Variants in FAM135B observed in about 807,000 individuals in gnomAD.
FAM135B encodes the protein family with sequence similarity 135 member B, also known as protein FAM135B.
FAM135B carries 43 observed loss-of-function variants against 127.7 expected under a neutral mutation model. The ratio of observed to expected loss-of-function variants is 0.34; its 90% CI spans 0.26 to 0.43. The LOEUF (loss-of-function observed/expected upper bound fraction) is 0.43, where lower values mean the gene tolerates loss of function less well. Ranked by LOEUF, FAM135B falls within the 20% of genes least tolerant of loss-of-function variation. The pLI, the probability that FAM135B is intolerant of heterozygous loss-of-function variation, is 1.00. For synonymous variants in FAM135B, 670 were observed against 665.1 expected (o/e 1.01, Z -0.11); for missense variants, 1,558 against 1,725.6 (o/e 0.90, Z 1.72).
rs151257877 is a variant in FAM135B, at chr8:138,470,767, G to A, written c.-20+25904C>T. Among the ~76,000 whole-genome samples the A allele has an allele frequency of 6.2e-3, 947 of 152,312 alleles. 4 individuals are homozygous for A. The highest frequency in any genetic ancestry group is 0.01 in the Non-Finnish European group (712 of 68,024). The stretch of plus-strand genomic sequence containing the variant: ...GACATCACTCCAACTTGCTTTGTTA[G>A]GAGTCCCCCTTCCCTCAAGACACTG... On this transcript the variant is annotated intron_variant, in intron 1 of 19. Transcript: ENST00000395297.
intron 1 of FAM135B, among the ~76,000 whole-genome samples, chr8:138,391,197 G>T (rs1013573779): frequency 1.4e-4 from 20 of 148,118 alleles, no homozygotes; most frequent in African/African-American, 4.9e-4. Flanking sequence ...TCTGGTCCCA[G>T]ATCAGAGAGA....
At chr8:138,214,176 G>C (rs1818362722) in intron 7 of FAM135B, among the ~76,000 whole-genome samples, 1 of 152,116 alleles carries the variant, frequency 6.6e-6, no homozygotes, top group African/African-American at 2.4e-5. Context: ...CCCAGGAAAT[G>C]AGAGTCTATC....
intron 2 of FAM135B, among the ~76,000 whole-genome samples, chr8:138,351,435 T>C (rs1336056180): frequency 5.3e-5 from 8 of 152,016 alleles, no homozygotes; most frequent in Non-Finnish European, 1.2e-4. Context: ...ACTGTAGTAA[T>C]GCACTGAAAA....
chr8:138,214,216 C>T (rs925887310), intron 7 of FAM135B, among the ~76,000 whole-genome samples: 1 of 152,094 alleles, frequency 6.6e-6, no homozygotes, highest in Non-Finnish European at 1.5e-5. Flanking sequence ...GCCATATCCC[C>T]GACTCAAATA....
intron 2 of FAM135B, among the ~76,000 whole-genome samples, chr8:138,349,805 G>A (rs2131109740): frequency 6.6e-6 from 1 of 152,236 alleles, no homozygotes; most frequent in East Asian, 1.9e-4. Flanking sequence ...TGGAAAGCAT[G>A]TTCAAGAATC....
intron 1 of FAM135B, among the ~76,000 whole-genome samples, chr8:138,482,630 T>C (rs1339624428): frequency 1.3e-5 from 2 of 152,152 alleles, no homozygotes; most frequent in South Asian, 2.1e-4. Context: ...AGTCACTGTT[T>C]AAATGTTTTT....
chr8:138,190,861 T>A (rs1248466582), intron 9 of FAM135B, among the ~76,000 whole-genome samples: 1 of 152,216 alleles, frequency 6.6e-6, no homozygotes, highest in Non-Finnish European at 1.5e-5. Context: ...AATCTACCTA[T>A]GATCTGGAAG....
At chr8:138,258,803 C>CCACACACA (rs57817492) in intron 4 of FAM135B, among the ~76,000 whole-genome samples, 23,753 of 146,306 alleles carry the variant, frequency 0.16, 2,150 homozygotes, top group African/African-American at 0.23. Flanking sequence ...GACACACACA[C>CCACACACA]CACACACACA....
intron 7 of FAM135B, among the ~76,000 whole-genome samples, 159 bp from the exon 8 acceptor site, chr8:138,197,828 A>C (rs1816783719): frequency 6.6e-6 from 1 of 152,204 alleles, no homozygotes; most frequent in Non-Finnish European, 1.5e-5. Context: ...AACATGGTTG[A>C]AGATTCCAGG....
intron 2 of FAM135B, among the ~76,000 whole-genome samples, chr8:138,313,615 C>T (rs977108034): frequency 6.1e-5 from 9 of 148,468 alleles, no homozygotes; most frequent in African/African-American, 2.2e-4. Context: ...GTGATCCTCC[C>T]ACTTCGGCTC....
At chr8:138,421,164 T>A (rs1834484385) in intron 1 of FAM135B, among the ~76,000 whole-genome samples, 1 of 152,090 alleles carries the variant, frequency 6.6e-6, no homozygotes, top group African/African-American at 2.4e-5. Flanking sequence ...ACAAAAAAAA[T>A]TAGCCAGGCA....
chr8:138,397,248 G>T (rs1239907622), intron 1 of FAM135B, among the ~76,000 whole-genome samples: 1 of 152,196 alleles, frequency 6.6e-6, no homozygotes, highest in Non-Finnish European at 1.5e-5. Context: ...CAACAGACAT[G>T]AACCTTGAAC....
At chr8:138,224,343 G>T (rs939063854) in intron 7 of FAM135B, among the ~76,000 whole-genome samples, 5 of 152,184 alleles carry the variant, frequency 3.3e-5, no homozygotes, top group African/African-American at 1.2e-4. Context: ...AAGTCATCCA[G>T]CATCAAATAC....
intron 1 of FAM135B, among the ~76,000 whole-genome samples, chr8:138,426,984 T>C (rs1159881516): frequency 1.3e-5 from 2 of 152,042 alleles, no homozygotes; most frequent in Non-Finnish European, 2.9e-5. Flanking sequence ...AATAAAATAC[T>C]ATTCTATATG....
intron 7 of FAM135B, among the ~76,000 whole-genome samples, chr8:138,226,907 G>C (rs1027772505): frequency 1.3e-5 from 2 of 152,102 alleles, no homozygotes; most frequent in Non-Finnish European, 2.9e-5. Flanking sequence ...ATGTTGGCCA[G>C]GCTGGTCTCA....
chr8:138,421,320 T>A (rs982954745), intron 1 of FAM135B, among the ~76,000 whole-genome samples: 11 of 151,816 alleles, frequency 7.2e-5, no homozygotes, highest in Admixed American at 3.3e-4. Context: ...CAAAAAAAAA[T>A]ATATATCTAA....
intron 2 of FAM135B, among the ~76,000 whole-genome samples, chr8:138,344,816 CT>C (rs1344581123): frequency 6.6e-6 from 1 of 152,144 alleles, no homozygotes; most frequent in Non-Finnish European, 1.5e-5. Context: ...ACCTCGTGAT[CT>C]GCCTGCCTCG....
rs2130743679 is a variant in FAM135B, at chr8:138,151,805, G to T, written c.2670C>A (p.Asn890Lys). ...LKIPRVIALE[N>K]PRTRSLHRAL... is the part of the protein sequence containing the mutation. Reference sequence around the variant, plus strand: ...CTCTATGAAGAGATCTGGTCCTGGGGTTTTCAAGTGCTATGACGCGTGGTA... The same window carrying T: ...CTCTATGAAGAGATCTGGTCCTGGGTTTTTCAAGTGCTATGACGCGTGGTA... Residue 890 changes from asparagine (N) to lysine (K), a missense_variant, in exon 13 of 20, where the codon AAC (asparagine) becomes AAA (lysine). Around this residue, in one of 5 missense-constraint regions of FAM135B, gnomAD observed 923 missense variants for 865.3 expected, o/e 1.07. Coordinates refer to ENST00000395297, the MANE Select transcript of FAM135B (RefSeq NM_015912.4). 1 of 1,614,128 alleles carries T rather than the reference G, an allele frequency of 6.2e-7. No homozygotes were observed. The highest frequency in any genetic ancestry group is 8.5e-7 in the Non-Finnish European group (1 of 1,180,028).
chr8:138,465,659 A>T (rs1216370066), intron 1 of FAM135B, among the ~76,000 whole-genome samples: 1 of 152,094 alleles, frequency 6.6e-6, no homozygotes, highest in Admixed American at 6.6e-5. Context: ...CAGCCCTACA[A>T]CAGCAAAAAG....
Sources: allele counts gnomAD v4.1 joint callset (sites outside exome capture counted in the v4.1 genomes callset), GRCh38; gene constraint gnomAD v4.1.1; regional missense constraint gnomAD v4.1.1; transcripts MANE v1.5; gene names NCBI Gene and HGNC (gene_info 2026-07-23, HGNC 2026-07-21).